PRKN: variants seen among roughly 807,000 people sequenced by gnomAD.
PRKN encodes the protein parkin RBR E3 ubiquitin protein ligase, also known as E3 ubiquitin-protein ligase parkin.
In PRKN, 56 loss-of-function variants were observed where a neutral mutation model predicts 59.5. That is an observed-to-expected ratio of 0.94 (90% CI 0.76 to 1.18). The LOEUF (loss-of-function observed/expected upper bound fraction) is 1.18, where lower values mean the gene tolerates loss of function less well. PRKN is among the 50% of genes most tolerant of loss of function. The pLI is 0.00. For missense variants in PRKN, 657 were observed against 596.4 expected, an observed-to-expected ratio of 1.10 and a Z score of -1.06; for synonymous variants, 250 against 222.1, an observed-to-expected ratio of 1.13 and a Z score of -1.12.
intron 9 of PRKN, among the ~76,000 whole-genome samples, chr6:161,512,678 T>A (rs963190166): frequency 6.6e-6 from 1 of 152,082 alleles, no homozygotes; most frequent in Non-Finnish European, 1.5e-5. Flanking sequence ...CCTTTTAATG[T>A]TGTGAGATGA....
intron 2 of PRKN, among the ~76,000 whole-genome samples, chr6:162,268,269 A>C (rs570941513): frequency 3.3e-5 from 5 of 152,230 alleles, no homozygotes; most frequent in Non-Finnish European, 7.4e-5. Context: ...GAGCCTCTAG[A>C]AGGTGATTAA....
chr6:162,459,810 A>G (rs1791071267), intron 1 of PRKN, among the ~76,000 whole-genome samples: 1 of 152,244 alleles, frequency 6.6e-6, no homozygotes, highest in African/African-American at 2.4e-5. Context: ...ACTTTCTAGT[A>G]ATCACCAACA....
In PRKN at chr6:161,445,867, T is replaced by G. The variant is rs565629213; in HGVS notation, c.1084-58990A>C. Among the ~76,000 whole-genome samples the G allele has an allele frequency of 6.6e-6, 1 of 151,782 alleles. No homozygotes were observed. Among genetic ancestry groups the G allele is most frequent in the African/African-American group, 2.4e-5 (1 of 41,362 alleles). On this transcript the variant is annotated intron_variant, in intron 9 of 11. Coordinates refer to ENST00000366898, the MANE Select transcript of PRKN (RefSeq NM_004562.3). The surrounding 1 kb of genome is among the most constrained non-coding windows in gnomAD (Gnocchi z 7.7). ...CAGCCTTGCAGGGTGGTGGTTTCCT[T>G]TGCCCGGAGAGTTCAGAGGCCTTAG...
At chr6:162,726,575 A>G (rs1369297334) in intron 1 of PRKN, among the ~76,000 whole-genome samples, 3 of 152,184 alleles carry the variant, frequency 2.0e-5, no homozygotes, top group African/African-American at 7.2e-5. Context: ...ACTGATGGGG[A>G]GAATGTTTAC....
At chr6:161,512,299 C>T (rs200427420) in intron 9 of PRKN, among the ~76,000 whole-genome samples, 1 of 152,006 alleles carries the variant, frequency 6.6e-6, no homozygotes, top group Admixed American at 6.6e-5. Flanking sequence ...ATGACCCCCC[C>T]CTGAAAATCA....
At chr6:162,029,196 C>G (rs991570188) in intron 5 of PRKN, among the ~76,000 whole-genome samples, 3 of 152,158 alleles carry the variant, frequency 2.0e-5, no homozygotes, top group African/African-American at 7.2e-5. Flanking sequence ...CCTCCACCCC[C>G]ACACATGATA....
intron 7 of PRKN, among the ~76,000 whole-genome samples, chr6:161,617,985 T>C (rs79602187): frequency 0.017 from 2,560 of 152,300 alleles, 62 homozygotes; most frequent in African/African-American, 0.057. Context: ...CTGACCAAAA[T>C]GTGCAGGTAG....
chr6:162,229,114 G>A (rs1054461309), intron 3 of PRKN, among the ~76,000 whole-genome samples: 1 of 152,084 alleles, frequency 6.6e-6, no homozygotes, highest in African/African-American at 2.4e-5. Flanking sequence ...CCAGCTTTGA[G>A]CTGCAGATTT....
chr6:161,697,595 A>G (rs953189781), intron 7 of PRKN, among the ~76,000 whole-genome samples: 1 of 152,118 alleles, frequency 6.6e-6, no homozygotes, highest in African/African-American at 2.4e-5. Flanking sequence ...AGTATGTAAA[A>G]CAGTATTCTT....
chr6:161,987,439 AC>A (rs1318837281), intron 5 of PRKN, among the ~76,000 whole-genome samples: 1 of 152,150 alleles, frequency 6.6e-6, no homozygotes, highest in African/African-American at 2.4e-5. Flanking sequence ...GGTTCCAGAA[AC>A]CCCCTGCAGA....
At chr6:161,777,930 C>A (rs115809512) in intron 7 of PRKN, among the ~76,000 whole-genome samples, 5,128 of 144,246 alleles carry the variant, frequency 0.036, 376 homozygotes, top group African/African-American at 0.12. Context: ...GTATGTATAT[C>A]TAGTTAACAG....
At chr6:161,897,026 T>G (rs982766981) in intron 6 of PRKN, among the ~76,000 whole-genome samples, 1 of 152,232 alleles carries the variant, frequency 6.6e-6, no homozygotes, top group Non-Finnish European at 1.5e-5. Context: ...CAATGACCGA[T>G]GATATAGTTT....
rs181607340 is a variant in PRKN at position 161,860,951 on chromosome 6, G to A, written c.735-75043C>T. Among the ~76,000 whole-genome samples the A allele has an allele frequency of 3.4e-3, 519 of 152,302 alleles. 1 individual carries two copies. Among genetic ancestry groups the A allele is most frequent in the African/African-American group, 0.012 (497 of 41,560 alleles). ...AACAACAGATGCTGGCAAAGCTGTGGAGAAAAAGGAATGCTCTTACACTGT... is the reference window on the plus strand; with the variant it reads ...AACAACAGATGCTGGCAAAGCTGTGAAGAAAAAGGAATGCTCTTACACTGT... On this transcript the variant is annotated intron_variant, in intron 6 of 11. Coordinates refer to ENST00000366898, the MANE Select transcript of PRKN (RefSeq NM_004562.3).
chr6:161,700,521 T>A (rs1181050224), intron 7 of PRKN, among the ~76,000 whole-genome samples: 1 of 152,146 alleles, frequency 6.6e-6, no homozygotes, highest in African/African-American at 2.4e-5. Flanking sequence ...AGGGACCTGA[T>A]GTATATCAGG....
chr6:162,598,761 G>A (rs555084130), intron 1 of PRKN, among the ~76,000 whole-genome samples: 3 of 149,380 alleles, frequency 2.0e-5, no homozygotes, highest in Non-Finnish European at 4.4e-5. Context: ...GCTGAGGCAT[G>A]AGAATTGCTT....
intron 2 of PRKN, chr6:162,270,716 G>C (rs1392278757): frequency 6.6e-6 from 1 of 152,116 alleles, no homozygotes. Context: ...TTTTTACATT[G>C]AGTTCTTTCT....
chr6:162,318,225 T>C (rs371491090), intron 2 of PRKN, among the ~76,000 whole-genome samples: 1 of 152,120 alleles, frequency 6.6e-6, no homozygotes, highest in East Asian at 1.9e-4. Flanking sequence ...TTCCATGTCA[T>C]AGCATGTATC....
At chr6:161,745,277 C>A (rs1788367966) in intron 7 of PRKN, among the ~76,000 whole-genome samples, 1 of 152,124 alleles carries the variant, frequency 6.6e-6, no homozygotes, top group African/African-American at 2.4e-5. Context: ...TCAGTGTGGA[C>A]AGGTGAAGTC....
intron 2 of PRKN, among the ~76,000 whole-genome samples, chr6:162,408,436 T>A (rs756115614): frequency 6.6e-6 from 1 of 152,138 alleles, no homozygotes; most frequent in African/African-American, 2.4e-5. Flanking sequence ...TCAATATGAT[T>A]TTGAGAGGAA....
Sources: gnomAD v4.1 joint callset for allele counts (sites outside exome capture counted in the v4.1 genomes callset) on GRCh38, gnomAD v4.1.1 for gene constraint, Gnocchi (gnomAD v3.1) non-coding constraint, MANE v1.5 for transcripts, NCBI Gene and HGNC (gene_info 2026-07-23, HGNC 2026-07-21) for gene names.